VAV3: variants seen among roughly 807,000 people sequenced by gnomAD.
VAV3 encodes guanine nucleotide exchange factor VAV3.
Under a neutral mutation model 131.2 loss-of-function variants are expected in VAV3, and 94 were observed. The observed-to-expected ratio is 0.72, with a 90% CI of 0.61 to 0.85. The LOEUF (loss-of-function observed/expected upper bound fraction) is 0.85. Among genes scored for constraint, VAV3 ranks in the 40% least tolerant of loss-of-function variants. The pLI, the probability that VAV3 is intolerant of heterozygous loss-of-function variation, is 0.00. For synonymous variants in VAV3, 349 were observed against 342.0 expected, an observed-to-expected ratio of 1.02 and a Z score of -0.22; for missense variants, 939 against 1,002.7, an observed-to-expected ratio of 0.94 and a Z score of 0.86.
At chr1:107,711,805 A>G (rs947401362) in intron 15 of VAV3, among the ~76,000 whole-genome samples, 1 of 152,032 alleles carries the variant, frequency 6.6e-6, no homozygotes, top group South Asian at 2.1e-4. Context: ...CTCATGCCTC[A>G]GCCTCCTGAG....
At chr1:107,645,457 C>A (rs528276142) in intron 19 of VAV3, among the ~76,000 whole-genome samples, 1 of 151,960 alleles carries the variant, frequency 6.6e-6, no homozygotes, top group South Asian at 2.1e-4. Flanking sequence ...AAGGGCACAG[C>A]GATATAATGA....
intron 1 of VAV3, among the ~76,000 whole-genome samples, chr1:107,896,272 C>A (rs1671567159): frequency 6.6e-6 from 1 of 152,200 alleles, no homozygotes; most frequent in East Asian, 1.9e-4. Context: ...GAGACACAGA[C>A]TTACTTTGAG....
At chr1:107,592,678 TA>T (rs1306029652) in intron 25 of VAV3, among the ~76,000 whole-genome samples, 1 of 152,146 alleles carries the variant, frequency 6.6e-6, no homozygotes, top group African/African-American at 2.4e-5. Flanking sequence ...ATGCTATTTT[TA>T]AAAGAACATT....
intron 2 of VAV3, among the ~76,000 whole-genome samples, chr1:107,827,099 T>C (rs1668049736): frequency 6.6e-6 from 1 of 152,194 alleles, no homozygotes; most frequent in South Asian, 2.1e-4. Flanking sequence ...TTAATATGCA[T>C]GTATTTTTAG....
At chr1:107,944,004 A>G (rs550763901) in intron 1 of VAV3, among the ~76,000 whole-genome samples, 2 of 152,336 alleles carry the variant, frequency 1.3e-5, no homozygotes, top group South Asian at 4.1e-4. Context: ...CACCCATCAC[A>G]AACAGCTGTG....
chr1:107,918,468 G>GC (rs965778799), intron 1 of VAV3, among the ~76,000 whole-genome samples: 1 of 151,974 alleles, frequency 6.6e-6, no homozygotes, highest in African/African-American at 2.4e-5. Flanking sequence ...TGCAAACCAA[G>GC]CCGAGGTCAA....
chr1:107,691,164 GC>G (rs1465625067), intron 17 of VAV3, among the ~76,000 whole-genome samples: 5 of 152,038 alleles, frequency 3.3e-5, no homozygotes, highest in African/African-American at 1.2e-4. Flanking sequence ...CCACACTAAT[GC>G]AATAGCCTGT....
At chr1:107,758,957 C>T (rs1664267661) in intron 10 of VAV3, among the ~76,000 whole-genome samples, 1 of 152,294 alleles carries the variant, frequency 6.6e-6, no homozygotes, top group East Asian at 1.9e-4. Flanking sequence ...CTTACTCTTC[C>T]TTTAAAGCCC....
chr1:107,630,641 C>CT (rs566436215), intron 20 of VAV3, among the ~76,000 whole-genome samples: 118 of 152,222 alleles, frequency 7.8e-4, no homozygotes, highest in Non-Finnish European at 1.5e-3. Flanking sequence ...AAAAGAGGTG[C>CT]TTAAAAACTA....
In VAV3 at chr1:107,722,840, C is replaced by CTCTTTT. The variant is rs371987024; in HGVS notation, c.1503-17780_1503-17779insAAAAGA. ...GTGTCAGAAAGCCCTATTATCCTCT[C>CTCTTTT]TTTTTTTTTTTTTTTGTACGCTTAC... On this transcript the variant is annotated intron_variant, in intron 15 of 26. Transcript: ENST00000370056. Among the ~76,000 whole-genome samples the CTCTTTT allele has an allele frequency of 2.8e-3, 357 of 129,778 alleles. 7 individuals carry two copies. The highest frequency in any genetic ancestry group is 9.9e-3 in the African/African-American group (340 of 34,464). The allele number at this position is 129,778 out of a possible 152,430, so 85.1% of individuals were successfully genotyped here.
At chr1:107,626,637 G>T (rs188672620) in intron 20 of VAV3, among the ~76,000 whole-genome samples, 48 of 152,232 alleles carry the variant, frequency 3.2e-4, no homozygotes, top group Admixed American at 6.5e-4. Flanking sequence ...GATGAACAGC[G>T]GGACACTGGG....
intron 1 of VAV3, among the ~76,000 whole-genome samples, chr1:107,895,189 C>G (rs1255938085): frequency 1.3e-5 from 2 of 152,062 alleles, no homozygotes; most frequent in African/African-American, 4.8e-5. Flanking sequence ...AGAACTTAAG[C>G]CCCAAGGCTT....
chr1:107,640,601 G>C (rs1489232880), intron 20 of VAV3, among the ~76,000 whole-genome samples: 2 of 152,128 alleles, frequency 1.3e-5, no homozygotes, highest in African/African-American at 4.8e-5. Flanking sequence ...GTACGTATGT[G>C]TGTGTTCAAA....
chr1:107,857,365 A>G (rs189026539), intron 2 of VAV3, among the ~76,000 whole-genome samples: 51 of 152,282 alleles, frequency 3.3e-4, no homozygotes, highest in African/African-American at 1.2e-3. Flanking sequence ...CAGACAGCCT[A>G]TTGTGGGACC....
chr1:107,801,150 TG>T (rs1278489947), intron 2 of VAV3, among the ~76,000 whole-genome samples: 1 of 152,094 alleles, frequency 6.6e-6, no homozygotes, highest in Non-Finnish European at 1.5e-5. Flanking sequence ...TATATCTGGG[TG>T]GTCTATTCTG....
intron 2 of VAV3, among the ~76,000 whole-genome samples, chr1:107,853,954 G>T (rs1409807685): frequency 2.6e-5 from 4 of 152,118 alleles, no homozygotes; most frequent in African/African-American, 9.7e-5. Context: ...CACAGTGTAG[G>T]GTAACTGTAT....
chr1:107,652,958 T>G (rs1447458243), intron 19 of VAV3, among the ~76,000 whole-genome samples: 1 of 152,056 alleles, frequency 6.6e-6, no homozygotes, highest in Non-Finnish European at 1.5e-5. Context: ...TTGCATCATT[T>G]ATGTTAAAGA....
chr1:107,732,846 C>G (rs531993532), intron 15 of VAV3, among the ~76,000 whole-genome samples: 22 of 152,308 alleles, frequency 1.4e-4, no homozygotes, highest in South Asian at 8.3e-4. Context: ...TCTGGCAGCT[C>G]TGAAGAGAGC....
chr1:107,785,512 G>A (rs2102251041), intron 2 of VAV3: 1 of 1,309,658 alleles, frequency 7.6e-7, no homozygotes. Context: ...AGCCCCAAAT[G>A]CAAGACGAGC....
Sources: allele counts gnomAD v4.1 joint callset (sites outside exome capture counted in the v4.1 genomes callset), GRCh38; gene constraint gnomAD v4.1.1; transcripts MANE v1.5; gene names NCBI Gene and HGNC (gene_info 2026-07-23, HGNC 2026-07-21).